Variants in SLAIN2 observed in about 807,000 individuals in gnomAD.
The protein encoded by SLAIN2 is SLAIN motif-containing protein 2.
In SLAIN2, 31 loss-of-function variants were observed where a neutral mutation model predicts 56.6. The ratio of observed to expected loss-of-function variants is 0.55; its 90% CI spans 0.41 to 0.74. The LOEUF (loss-of-function observed/expected upper bound fraction) is 0.74, where lower values mean the gene tolerates loss of function less well. Among genes scored for constraint, SLAIN2 ranks in the 30% least tolerant of loss-of-function variants. The probability of loss-of-function intolerance (pLI) is 0.00; values close to 1 mark genes in which losing one functional copy is unlikely to be tolerated. For missense variants in SLAIN2, 777 were observed against 754.2 expected, an observed-to-expected ratio of 1.03 and a Z score of -0.35; for synonymous variants, 317 against 284.9, an observed-to-expected ratio of 1.11 and a Z score of -1.13.
At chr4:48,418,336 T>C (rs1717054370) in intron 6 of SLAIN2, among the ~76,000 whole-genome samples, 1 of 152,168 alleles carries the variant, frequency 6.6e-6, no homozygotes, top group Admixed American at 6.5e-5. Flanking sequence ...AAATTTTCCC[T>C]ATTTCTGTTT....
At chr4:48,369,099 C>T (rs1715600775) in intron 1 of SLAIN2, among the ~76,000 whole-genome samples, 1 of 152,144 alleles carries the variant, frequency 6.6e-6, no homozygotes, top group Non-Finnish European at 1.5e-5. Flanking sequence ...ATTTGAAAAT[C>T]ACCCTGGTTA....
intron 4 of SLAIN2, among the ~76,000 whole-genome samples, 181 bp downstream of exon 4, chr4:48,380,029 C>A (rs1715929143): frequency 1.3e-5 from 2 of 151,982 alleles, no homozygotes; most frequent in African/African-American, 4.8e-5. Context: ...TTTTCAGAGT[C>A]CATTTTTACA....
Position 48,395,260 on chromosome 4 carries a change from C to G in SLAIN2, c.1360+11476C>G, listed in dbSNP as rs117737471. 5.8e-3 allele frequency among the ~76,000 whole-genome samples: 874 copies of G among 151,804 alleles called. 15 individuals are homozygous for G. The highest frequency in any genetic ancestry group is 0.047 in the East Asian group (243 of 5,162). On this transcript the variant is annotated intron_variant, in intron 6 of 7. Transcript: ENST00000264313. ...AGAGAAAACAGTGGGATTGGATAGA[C>G]CAACAGTAATAAAAACAAACAGAGG... is the stretch of plus-strand genomic sequence containing the variant.
intron 6 of SLAIN2, among the ~76,000 whole-genome samples, chr4:48,384,556 A>T (rs1716053893): frequency 6.6e-6 from 1 of 152,208 alleles, no homozygotes; most frequent in Admixed American, 6.5e-5. Flanking sequence ...TATCTTTCAG[A>T]AAACAAATTC....
intron 1 of SLAIN2, among the ~76,000 whole-genome samples, chr4:48,348,644 C>A (rs1475851920): frequency 6.7e-6 from 1 of 148,156 alleles, no homozygotes; most frequent in Non-Finnish European, 1.5e-5. Flanking sequence ...GAGCTGAGAT[C>A]ACGCCATTAT....
chr4:48,363,398 C>A (rs1715388902), intron 1 of SLAIN2, among the ~76,000 whole-genome samples: 1 of 81,646 alleles, frequency 1.2e-5, no homozygotes, highest in African/African-American at 3.9e-5. Context: ...GGGGCTGACC[C>A]CCCCCCACCT....
intron 6 of SLAIN2, among the ~76,000 whole-genome samples, chr4:48,410,738 A>G (rs1340903557): frequency 6.6e-6 from 1 of 152,098 alleles, no homozygotes; most frequent in Non-Finnish European, 1.5e-5. Context: ...TAAACCTGGA[A>G]CTCAAGAATG....
chr4:48,397,936 T>C (rs1716451908), intron 6 of SLAIN2, among the ~76,000 whole-genome samples: 2 of 152,244 alleles, frequency 1.3e-5, no homozygotes, highest in Admixed American at 6.5e-5. Flanking sequence ...TGCATGTCTT[T>C]GCTGTTGTGA....
rs968684520 is a variant in SLAIN2, at chr4:48,383,891, T to C, written c.1360+107T>C. The C allele has an allele frequency of 4.9e-6, 6 of 1,230,320 alleles. No individual in the cohort carries two copies. In the Admixed American group the frequency reaches 9.6e-5, roughly 20 times the overall value. The allele number at this position is 1,230,320 out of a possible 1,614,324, so 76.2% of individuals were successfully genotyped here. A position where few individuals can be genotyped will look rare whatever the true frequency, so the allele number is the denominator to read the frequency against. On this transcript the variant is annotated intron_variant, in intron 6 of 7. Transcript: ENST00000264313. ...CCGTTTTTTATGCTGAAAAACCGTT[T>C]TAAACCATAGCTATAGTAAAATTTA... is the stretch of plus-strand genomic sequence containing the variant.
Position 48,425,537 on chromosome 4 carries a change from CAT to C in SLAIN2, c.*3461_*3462del, listed in dbSNP as rs1218263346. 5 of 152,024 alleles carry C rather than the reference CAT, an allele frequency of 3.3e-5. No homozygotes were observed. Among genetic ancestry groups the C allele is most frequent in the African/African-American group, 1.2e-4 (5 of 41,390 alleles). 9.4% of individuals were successfully genotyped at this position (152,024 alleles called of 1,614,324 possible). A position where few individuals can be genotyped will look rare whatever the true frequency, so the allele number is the denominator to read the frequency against. ...TTAGGAGATATTTGCTTTGCAATTACATGTTACAATTAGAATAATTACAATTA... is the reference window on the plus strand; with the variant it reads ...TTAGGAGATATTTGCTTTGCAATTACGTTACAATTAGAATAATTACAATTA... On this transcript the variant is annotated 3_prime_UTR_variant, in exon 8 of 8. Coordinates refer to ENST00000264313, the MANE Select transcript of SLAIN2 (RefSeq NM_020846.2).
chr4:48,353,126 T>C (rs1715056375), intron 1 of SLAIN2, among the ~76,000 whole-genome samples: 1 of 152,130 alleles, frequency 6.6e-6, no homozygotes, highest in Non-Finnish European at 1.5e-5. Context: ...TTGCCCAGTC[T>C]CAGGGATGTC....
chr4:48,392,597 T>G (rs1456995691), intron 6 of SLAIN2, among the ~76,000 whole-genome samples: 1 of 152,168 alleles, frequency 6.6e-6, no homozygotes. Context: ...CCTATCTCAG[T>G]ATCTTTTTCA....
chr4:48,387,901 A>G (rs186110089), intron 6 of SLAIN2, among the ~76,000 whole-genome samples: 10 of 152,250 alleles, frequency 6.6e-5, no homozygotes, highest in Admixed American at 3.9e-4. Flanking sequence ...TACTTTATAC[A>G]TGAATTGGTA....
intron 6 of SLAIN2, among the ~76,000 whole-genome samples, chr4:48,396,943 A>G (rs531621427): frequency 5.3e-5 from 8 of 152,326 alleles, no homozygotes; most frequent in African/African-American, 1.9e-4. Context: ...ACTAAAGTCA[A>G]AAAAGGATGG....
chr4:48,394,448 A>G (rs1716325227), intron 6 of SLAIN2: 1 of 678,252 alleles, frequency 1.5e-6, no homozygotes, highest in Non-Finnish European at 2.4e-6. Context: ...ATTCTAACAT[A>G]TTTGCACCTT....
chr4:48,393,404 G>GTGTA (rs1716285043), intron 6 of SLAIN2, among the ~76,000 whole-genome samples: 1 of 151,026 alleles, frequency 6.6e-6, no homozygotes, highest in African/African-American at 2.4e-5. Flanking sequence ...GTGTGTGTGT[G>GTGTA]TGTGTGTGTG....
At chr4:48,392,911 CT>C (rs1716273614) in intron 6 of SLAIN2, among the ~76,000 whole-genome samples, 1 of 148,278 alleles carries the variant, frequency 6.7e-6, no homozygotes, top group South Asian at 2.2e-4. Flanking sequence ...TACATTATAC[CT>C]AAAACAGTAC....
At chr4:48,380,697 C>T (rs1300815447) in intron 4 of SLAIN2, among the ~76,000 whole-genome samples, 2 of 152,114 alleles carry the variant, frequency 1.3e-5, no homozygotes, top group Admixed American at 6.5e-5. Flanking sequence ...AGTAAGAAAT[C>T]TCTCTAAAGC....
At chr4:48,410,869 A>C (rs1193671163) in intron 6 of SLAIN2, among the ~76,000 whole-genome samples, 1 of 152,176 alleles carries the variant, frequency 6.6e-6, no homozygotes, top group African/African-American at 2.4e-5. Context: ...TTAGTGGTCC[A>C]AAATGTGCAG....
Sources: gnomAD v4.1 joint callset for allele counts (sites outside exome capture counted in the v4.1 genomes callset) on GRCh38, gnomAD v4.1.1 for gene constraint, MANE v1.5 for transcripts, NCBI Gene and HGNC (gene_info 2026-07-23, HGNC 2026-07-21) for gene names.